The following KCNAB1 variants were observed in gnomAD, a reference collection of about 807,000 sequenced individuals.
The protein encoded by KCNAB1 is potassium voltage-gated channel subfamily A regulatory beta subunit 1.
A neutral mutation model predicts 64.6 loss-of-function variants in KCNAB1; 35 were observed. That is an observed-to-expected ratio of 0.54 (90% CI 0.41 to 0.72). KCNAB1 has a LOEUF of 0.72. Among genes scored for constraint, KCNAB1 ranks in the 30% least tolerant of loss-of-function variants. The pLI is 0.00. For missense variants in KCNAB1, 401 were observed against 512.9 expected (o/e 0.78, Z 2.11); for synonymous variants, 177 against 183.8 (o/e 0.96, Z 0.30).
chr3:156,527,534 A>G (rs1482591301), intron 12 of KCNAB1, among the ~76,000 whole-genome samples: 1 of 152,216 alleles, frequency 6.6e-6, no homozygotes, highest in African/African-American at 2.4e-5. Context: ...AAAGACAGGA[A>G]AGAACACTCT....
chr3:156,342,609 A>ATTTTTTTTTTTTTTTTTTTTTTTTTT (rs59689669), intron 1 of KCNAB1, among the ~76,000 whole-genome samples: 2 of 104,694 alleles, frequency 1.9e-5, no homozygotes, highest in African/African-American at 3.5e-5. Context: ...TTTTTTTTTA[A>ATTTTTTTTTTTTTTTTTTTTTTTTTT]TTTTTTTTTT....
chr3:156,160,447 TCTC>T (rs764386371), intron 1 of KCNAB1, among the ~76,000 whole-genome samples: 9 of 152,142 alleles, frequency 5.9e-5, no homozygotes, highest in Non-Finnish European at 1.0e-4. Flanking sequence ...TCCTCCTCCT[TCTC>T]CTCTTTCTCC....
intron 2 of KCNAB1, among the ~76,000 whole-genome samples, chr3:156,443,937 C>A (rs1458350012): frequency 6.6e-6 from 1 of 152,124 alleles, no homozygotes; most frequent in African/African-American, 2.4e-5. Flanking sequence ...CACCCCTCAG[C>A]CCCCTTGAGG....
intron 1 of KCNAB1, among the ~76,000 whole-genome samples, chr3:156,279,472 G>T (rs1719559785): frequency 1.3e-5 from 2 of 152,142 alleles, no homozygotes; most frequent in African/African-American, 4.8e-5. Flanking sequence ...AGTCCTTTGG[G>T]TATATACCCA....
At chr3:156,395,466 AC>A (rs1390657189) in intron 1 of KCNAB1, among the ~76,000 whole-genome samples, 12 of 139,442 alleles carry the variant, frequency 8.6e-5, no homozygotes, top group African/African-American at 3.2e-4. Flanking sequence ...AATGGCGTGA[AC>A]CAGGGAGGCG....
In KCNAB1 at chr3:156,536,777, G is replaced by C; in HGVS notation, c.*30G>C. The C allele has an allele frequency of 6.8e-7, 1 of 1,470,148 alleles. No individual in the cohort carries two copies. The highest frequency in any genetic ancestry group is 9.5e-7 in the Non-Finnish European group (1 of 1,049,176). 91.1% of individuals were successfully genotyped at this position (1,470,148 alleles called of 1,614,324 possible). A position where few individuals can be genotyped will look rare whatever the true frequency, so the allele number is the denominator to read the frequency against. On this transcript the variant is annotated 3_prime_UTR_variant, in exon 14 of 14. Coordinates refer to ENST00000490337, the MANE Select transcript of KCNAB1 (RefSeq NM_172160.3). ...ATGCATGAACCACAGAAGCTGCATG[G>C]TTAAAATAGCGGCCTGTGCCCAGTA...
chr3:156,389,427 T>C (rs1254468590), intron 1 of KCNAB1, among the ~76,000 whole-genome samples: 3 of 152,214 alleles, frequency 2.0e-5, no homozygotes, highest in African/African-American at 7.2e-5. Flanking sequence ...ATCTCCCAAC[T>C]GCTCTTCCTA....
At chr3:156,157,929 C>T (rs1456877288) in intron 1 of KCNAB1, among the ~76,000 whole-genome samples, 6 of 151,584 alleles carry the variant, frequency 4.0e-5, no homozygotes, top group Admixed American at 2.0e-4. Flanking sequence ...TTTGGGAGGC[C>T]GAGGCAGGGG....
intron 1 of KCNAB1, among the ~76,000 whole-genome samples, chr3:156,289,543 T>A (rs1191858287): frequency 6.6e-6 from 1 of 152,220 alleles, no homozygotes; most frequent in Non-Finnish European, 1.5e-5. Context: ...AAAGACATGC[T>A]TCAAGTACTC....
At chr3:156,178,135 G>C (rs1244440185) in intron 1 of KCNAB1, among the ~76,000 whole-genome samples, 1 of 152,186 alleles carries the variant, frequency 6.6e-6, no homozygotes. Flanking sequence ...TTTGAAGTAA[G>C]GAGACCTGGA....
At chr3:156,429,361 A>G (rs1167599731) in intron 2 of KCNAB1, among the ~76,000 whole-genome samples, 1 of 152,208 alleles carries the variant, frequency 6.6e-6, no homozygotes, top group Non-Finnish European at 1.5e-5. Context: ...AAGCCTCCAA[A>G]GAGGAGAATC....
intron 12 of KCNAB1, among the ~76,000 whole-genome samples, chr3:156,530,849 G>A (rs568838114): frequency 6.6e-6 from 1 of 152,266 alleles, no homozygotes; most frequent in Non-Finnish European, 1.5e-5. Flanking sequence ...CATGAATACA[G>A]TGGAAAGACA....
chr3:156,118,224 TTGGC>T, upstream of KCNAB1: 1 of 394,932 alleles, frequency 2.5e-6, no homozygotes, highest in Admixed American at 3.0e-5. Context: ...CAGTCAGATG[TTGGC>T]TGGGACCACA....
intron 1 of KCNAB1, among the ~76,000 whole-genome samples, chr3:156,290,401 A>C (rs1161847731): frequency 6.6e-6 from 1 of 152,172 alleles, no homozygotes; most frequent in Non-Finnish European, 1.5e-5. Context: ...TAGAAAGCTG[A>C]TTTTGCAGAA....
intron 8 of KCNAB1, among the ~76,000 whole-genome samples, chr3:156,475,229 A>G (rs910327646): frequency 2.0e-5 from 3 of 152,198 alleles, no homozygotes; most frequent in African/African-American, 7.2e-5. Context: ...AGTCTGTGGT[A>G]GCAATGCTCA....
At chr3:156,324,867 G>C (rs1282494737) in intron 1 of KCNAB1, among the ~76,000 whole-genome samples, 1 of 152,048 alleles carries the variant, frequency 6.6e-6, no homozygotes, top group Non-Finnish European at 1.5e-5. Flanking sequence ...TGTGAGTACA[G>C]GGGAGCTCCT....
At chr3:156,478,705 G>A (rs1052456385) in intron 8 of KCNAB1, among the ~76,000 whole-genome samples, 1 of 152,070 alleles carries the variant, frequency 6.6e-6, no homozygotes, top group African/African-American at 2.4e-5. Flanking sequence ...GATGTTAATC[G>A]GGAACATTTT....
intron 1 of KCNAB1, among the ~76,000 whole-genome samples, chr3:156,139,593 T>TTTTTTTG (rs2053238037): frequency 6.9e-6 from 1 of 145,446 alleles, no homozygotes; most frequent in African/African-American, 2.6e-5. Context: ...TGTTTTTTTT[T>TTTTTTTG]TTTTTTTTTT....
chr3:156,454,739 C>T (rs1032102899), intron 3 of KCNAB1, among the ~76,000 whole-genome samples: 1 of 152,158 alleles, frequency 6.6e-6, no homozygotes, highest in African/African-American at 2.4e-5. Flanking sequence ...TCCACTGTAT[C>T]CAGCACATAT....
Sources: allele counts gnomAD v4.1 joint callset (sites outside exome capture counted in the v4.1 genomes callset), GRCh38; gene constraint gnomAD v4.1.1; transcripts MANE v1.5; gene names NCBI Gene and HGNC (gene_info 2026-07-23, HGNC 2026-07-21).